SPG11: variants seen among roughly 807,000 people sequenced by gnomAD.
The protein encoded by SPG11 is spatacsin.
In SPG11, 222 loss-of-function variants were observed where a neutral mutation model predicts 274.0. The observed-to-expected ratio is 0.81, with a 90% CI of 0.73 to 0.91. SPG11 has a LOEUF of 0.91. Among genes scored for constraint, SPG11 ranks in the 40% least tolerant of loss-of-function variants. SPG11 has a pLI of 0.00. For missense variants in SPG11, 3,114 were observed against 2,872.7 expected, an observed-to-expected ratio of 1.08 and a Z score of -1.92; for synonymous variants, 1,144 against 1,039.7, an observed-to-expected ratio of 1.10 and a Z score of -1.93.
chr15:44,574,487 C>T (rs932960960), intron 31 of SPG11, among the ~76,000 whole-genome samples: 43 of 152,132 alleles, frequency 2.8e-4, no homozygotes, highest in Non-Finnish European at 5.6e-4. Context: ...CTGTTTTTCT[C>T]CCCCAAGCAG....
Position 44,596,869 on chromosome 15 carries a change from AT to A in SPG11, c.4075del (p.Ile1359TyrfsTer30), listed in dbSNP as rs1405032433. 1.9e-6 allele frequency: 3 copies of A among 1,613,976 alleles called. No homozygotes were observed. In the Admixed American group the frequency reaches 5.0e-5, roughly 27 times the overall value. ...TTTGGCACATTCTCTAAGGTAAGAT[AT>A]GCTTAGTTTCATATTGTGTAGCCTG... ...FCRLHNMKLS[I>X]SYLRECAKAN... On this transcript the variant is annotated frameshift_variant, in exon 24 of 40. Transcript: ENST00000261866. LOFTEE classifies it high-confidence loss of function.
intron 13 of SPG11, 89 bp downstream of exon 13, chr15:44,622,131 A>T: frequency 6.9e-7 from 1 of 1,442,246 alleles, no homozygotes; most frequent in Non-Finnish European, 9.7e-7. Flanking sequence ...GCTCAGTTCC[A>T]CATAAGAAAC....
intron 10 of SPG11, among the ~76,000 whole-genome samples, chr15:44,627,857 G>A (rs893447324): frequency 6.6e-5 from 10 of 152,126 alleles, no homozygotes; most frequent in African/African-American, 2.4e-4. Context: ...CCAAAGTGCT[G>A]GGATTACAGG....
intron 4 of SPG11, among the ~76,000 whole-genome samples, chr15:44,654,113 C>T (rs1179041608): frequency 4.6e-5 from 7 of 151,974 alleles, no homozygotes; most frequent in South Asian, 4.2e-4. Flanking sequence ...ACTACCATGC[C>T]CAGTTTAGCC....
chr15:44,626,500 A>G lies in SPG11; in HGVS notation c.2075T>C (p.Ile692Thr), dbSNP rs144012151. 315 of 1,613,578 alleles carry G rather than the reference A, an allele frequency of 2.0e-4. No homozygotes were observed. Among genetic ancestry groups the G allele is most frequent in the Non-Finnish European group, 2.6e-4 (307 of 1,179,896 alleles). Reference protein sequence around the residue: ...IWKKLSFEEVIASAILNNKIP... With the variant: ...IWKKLSFEEVTASAILNNKIP... ...TTTGTTGTTTAAAATGGCGCTGGCA[A>G]TAACTTCCTAGGAAAAGAAAAACGT... is the stretch of plus-strand genomic sequence containing the variant. The change falls in exon 11 of 40, where the codon ATT becomes ACT. Residue 692 changes from isoleucine to threonine, a missense_variant. Ile to Thr is a moderately conservative substitution (Grantham distance 89). Transcript: ENST00000261866.
chr15:44,589,014 C>T (rs1346031646), intron 28 of SPG11, among the ~76,000 whole-genome samples: 1 of 152,082 alleles, frequency 6.6e-6, no homozygotes, highest in Non-Finnish European at 1.5e-5. Context: ...GGAAATGTGG[C>T]TATTTGGTAA....
At chr15:44,638,364 G>A (rs886849264) in intron 7 of SPG11, among the ~76,000 whole-genome samples, 8 of 152,072 alleles carry the variant, frequency 5.3e-5, no homozygotes, top group African/African-American at 1.9e-4. Context: ...AGAGGCTGGG[G>A]CACAAGAATC....
chr15:44,585,758 C>A lies in SPG11; in HGVS notation c.4999G>T (p.Glu1667Ter). The stretch of plus-strand genomic sequence containing the variant: ...GATCTACATTCATGCTGAAGATTCT[C>A]AATGCTGTAGCTGGTAATAATTGTA... Reference protein sequence around the residue: ...NHTIITSYSIENLQHECRSIL... With the variant: ...NHTIITSYSI Residue 1667 changes from glutamate to a stop codon, truncating the protein, a stop_gained, in exon 29 of 40, where the codon GAG (glutamate) becomes TAG (stop). Coordinates refer to ENST00000261866, the MANE Select transcript of SPG11 (RefSeq NM_025137.4). LOFTEE classifies it high-confidence loss of function. The A allele has an allele frequency of 6.2e-7, 1 of 1,614,040 alleles. No homozygotes were observed. Among genetic ancestry groups the A allele is most frequent in the East Asian group, 2.2e-5 (1 of 44,884 alleles).
At chr15:44,564,955 C>T (rs1162978894) in intron 38 of SPG11, among the ~76,000 whole-genome samples, 2 of 151,992 alleles carry the variant, frequency 1.3e-5, no homozygotes, top group African/African-American at 4.8e-5. Flanking sequence ...CCAGGCTGGA[C>T]CAGAAATTCC....
chr15:44,629,492 G>C, intron 8 of SPG11, 104 bp from the exon 9 acceptor site: 1 of 1,265,860 alleles, frequency 7.9e-7, no homozygotes, highest in East Asian at 2.5e-5. Flanking sequence ...CATAAAACAA[G>C]GACCAATGTC....
At chr15:44,632,089 A>G (rs2084082574) in intron 8 of SPG11, among the ~76,000 whole-genome samples, 1 of 151,914 alleles carries the variant, frequency 6.6e-6, no homozygotes, top group Non-Finnish European at 1.5e-5. Flanking sequence ...AATTACAGCC[A>G]TGAGCCACTG....
intron 18 of SPG11, among the ~76,000 whole-genome samples, chr15:44,609,698 A>G (rs569523078): frequency 6.6e-6 from 1 of 151,624 alleles, no homozygotes; most frequent in East Asian, 1.9e-4. Context: ...AATAATCTCT[A>G]TATAACATAT....
At chr15:44,587,692 T>TC (rs1467170160) in intron 28 of SPG11, among the ~76,000 whole-genome samples, 18 of 28,974 alleles carry the variant, frequency 6.2e-4, no homozygotes, top group African/African-American at 3.9e-3. Context: ...CCAGACTGTC[T>TC]CAAAAAAAAA....
chr15:44,579,779 G>A lies in SPG11; in HGVS notation c.5866+4035C>T, dbSNP rs117481178. Reference sequence around the variant, plus strand: ...TTTTAGAACTGAAAAATGCAGTTACGTGCTGTATAACCATGTTTCCATCAA... The same window carrying A: ...TTTTAGAACTGAAAAATGCAGTTACATGCTGTATAACCATGTTTCCATCAA... On this transcript the variant is annotated intron_variant, in intron 30 of 39. Coordinates refer to ENST00000261866, the MANE Select transcript of SPG11 (RefSeq NM_025137.4). Among the ~76,000 whole-genome samples the A allele has an allele frequency of 3.8e-3, 581 of 152,286 alleles. 11 individuals carry two copies. Among genetic ancestry groups the A allele is most frequent in the East Asian group, 0.037 (193 of 5,190 alleles).
chr15:44,629,707 A>G (rs2084003301), intron 8 of SPG11, among the ~76,000 whole-genome samples: 1 of 152,196 alleles, frequency 6.6e-6, no homozygotes, highest in African/African-American at 2.4e-5. Flanking sequence ...TGTGTATTAT[A>G]TTCTCTTTCC....
At chr15:44,654,207 A>G (rs1446813958) in intron 4 of SPG11, among the ~76,000 whole-genome samples, 2 of 152,206 alleles carry the variant, frequency 1.3e-5, no homozygotes, top group African/African-American at 4.8e-5. Context: ...ATCATTTTCT[A>G]CCATAAATTA....
In SPG11 at chr15:44,608,325, A is replaced by G. The variant is rs2083374439; in HGVS notation, c.3453+119T>C. 5 of 1,109,514 alleles carry G rather than the reference A, an allele frequency of 4.5e-6. No homozygotes were observed. The Admixed American group carries it at 7.7e-5, about 17-fold the overall frequency. 68.7% of individuals were successfully genotyped at this position (1,109,514 alleles called of 1,614,324 possible). ...TCACATTTGGTTTCCCCATTCTGCT[A>G]TCATGCTGTGTAAGTAATTCCCTAC... On this transcript the variant is annotated intron_variant, in intron 19 of 39. Transcript: ENST00000261866.
intron 18 of SPG11, among the ~76,000 whole-genome samples, chr15:44,609,672 C>A (rs1313585437): frequency 6.6e-6 from 1 of 151,548 alleles, no homozygotes; most frequent in African/African-American, 2.4e-5. Flanking sequence ...TATTGGAAAA[C>A]AAACTAAAGG....
At chr15:44,575,792 C>T (rs924038710) in intron 30 of SPG11, among the ~76,000 whole-genome samples, 12 of 152,128 alleles carry the variant, frequency 7.9e-5, no homozygotes, top group Non-Finnish European at 1.5e-4. Context: ...ACTGCACCCA[C>T]CTGCAAATAT....
Sources: gnomAD v4.1 joint callset for allele counts (sites outside exome capture counted in the v4.1 genomes callset) on GRCh38, gnomAD v4.1.1 for gene constraint, MANE v1.5 for transcripts, NCBI Gene and HGNC (gene_info 2026-07-23, HGNC 2026-07-21) for gene names.